PDE10A: variants seen among roughly 807,000 people sequenced by gnomAD.
PDE10A encodes the protein cAMP and cAMP-inhibited cGMP 3',5'-cyclic phosphodiesterase 10A.
In PDE10A, 39 loss-of-function variants were observed where a neutral mutation model predicts 97.7. That is an observed-to-expected ratio of 0.40 (90% confidence interval 0.31 to 0.52). The LOEUF (loss-of-function observed/expected upper bound fraction) is 0.52, where lower values mean the gene tolerates loss of function less well. PDE10A is among the 20% of genes least tolerant of loss of function. PDE10A has a pLI of 0.56. For missense variants in PDE10A, 731 were observed against 1,047.8 expected, an observed-to-expected ratio of 0.70 and a Z score of 4.17; for synonymous variants, 371 against 376.8, an observed-to-expected ratio of 0.98 and a Z score of 0.18.
At chr6:165,408,400 A>G (rs1341942339) in intron 13 of PDE10A, among the ~76,000 whole-genome samples, 1 of 152,168 alleles carries the variant, frequency 6.6e-6, no homozygotes, top group East Asian at 1.9e-4. Flanking sequence ...GCTTGGGAAA[A>G]AAATGCTCAA....
At chr6:165,795,601 A>AAAC (rs1778806899) in intron 1 of PDE10A, among the ~76,000 whole-genome samples, 1 of 146,254 alleles carries the variant, frequency 6.8e-6, no homozygotes, top group South Asian at 2.2e-4. Context: ...AACAAACAAA[A>AAAC]AAACCAGCAG....
chr6:165,912,182 GTCTATCA>G (rs1782481766), intron 1 of PDE10A, among the ~76,000 whole-genome samples: 1 of 151,390 alleles, frequency 6.6e-6, no homozygotes, highest in East Asian at 1.9e-4. Context: ...TCATCTATCT[GTCTATCA>G]TCTATCATCT....
At chr6:165,698,551 A>T (rs1397512445) in intron 1 of PDE10A, among the ~76,000 whole-genome samples, 2 of 152,232 alleles carry the variant, frequency 1.3e-5, no homozygotes, top group South Asian at 2.1e-4. Context: ...ACATTAGAAA[A>T]TAACCACTCA....
chr6:165,448,882 G>T, intron 5 of PDE10A, 46 bp downstream of exon 5: 1 of 1,164,698 alleles, frequency 8.6e-7, no homozygotes, highest in Non-Finnish European at 1.3e-6. Context: ...AGGAGCTTAT[G>T]ATATTTTCTT....
chr6:165,625,163 G>A (rs1373885937), intron 1 of PDE10A, among the ~76,000 whole-genome samples: 1 of 152,226 alleles, frequency 6.6e-6, no homozygotes, highest in Non-Finnish European at 1.5e-5. Flanking sequence ...ATTTGACCCA[G>A]TCTGTGACAA....
At chr6:165,722,858 T>A (rs1792199542) in intron 1 of PDE10A, among the ~76,000 whole-genome samples, 1 of 148,436 alleles carries the variant, frequency 6.7e-6, no homozygotes, top group East Asian at 2.0e-4. Context: ...AATCCTTAAA[T>A]AAAATTTGTT....
intron 1 of PDE10A, among the ~76,000 whole-genome samples, chr6:165,771,885 C>G (rs1778021581): frequency 1.3e-5 from 2 of 152,136 alleles, no homozygotes; most frequent in South Asian, 4.1e-4. Flanking sequence ...TGATGCAGAG[C>G]TGGCTGCATG....
At chr6:165,505,177 A>T (rs775016665) in intron 2 of PDE10A, among the ~76,000 whole-genome samples, 27 of 152,270 alleles carry the variant, frequency 1.8e-4, no homozygotes, top group Non-Finnish European at 3.1e-4. Flanking sequence ...GTTTTCTATT[A>T]CCTATAACCA....
Position 165,679,585 on chromosome 6 carries a change from G to A in PDE10A, c.-614-136017C>T, listed in dbSNP as rs546469769. Among the ~76,000 whole-genome samples, 8 of 152,306 alleles carry A rather than the reference G, an allele frequency of 5.3e-5. No individual in the cohort carries two copies. The South Asian group carries it at 1.2e-3, about 24-fold the overall frequency. On this transcript the variant is annotated intron_variant, in intron 1 of 19. Coordinates refer to the PDE10A transcript ENST00000366882. ...CACACTGTCACAGCACAGGAACGCC[G>A]GGAAGCACCTCACAGTCCCCTTCAG...
intron 1 of PDE10A, among the ~76,000 whole-genome samples, chr6:165,838,309 A>T (rs562365326): frequency 1.3e-5 from 2 of 152,306 alleles, no homozygotes; most frequent in South Asian, 4.1e-4. Context: ...AATACATATA[A>T]ACTAGGGTTT....
chr6:165,383,153 A>G (rs1785041623), intron 17 of PDE10A, among the ~76,000 whole-genome samples: 1 of 152,200 alleles, frequency 6.6e-6, no homozygotes, highest in Non-Finnish European at 1.5e-5. Flanking sequence ...ATAATTTAAG[A>G]TTAGTGGAAC....
intron 18 of PDE10A, among the ~76,000 whole-genome samples, chr6:165,363,714 A>G (rs1783576901): frequency 6.6e-6 from 1 of 152,200 alleles, no homozygotes; most frequent in East Asian, 1.9e-4. Flanking sequence ...TACAAAAATC[A>G]ATTATTTCTA....
At chr6:165,547,753 G>A (rs968106046) in intron 1 of PDE10A, among the ~76,000 whole-genome samples, 6 of 152,058 alleles carry the variant, frequency 3.9e-5, no homozygotes, top group South Asian at 2.1e-4. Context: ...GAGTTTCCAC[G>A]CATAATAATG....
At chr6:165,826,221 G>A (rs958052384) in intron 1 of PDE10A, among the ~76,000 whole-genome samples, 1 of 152,156 alleles carries the variant, frequency 6.6e-6, no homozygotes, top group Non-Finnish European at 1.5e-5. Flanking sequence ...GACTCCAGGT[G>A]ACCTGGGCCC....
chr6:165,449,141 T>C (rs1791087412), intron 4 of PDE10A, among the ~76,000 whole-genome samples, 164 bp from the exon 5 acceptor site: 3 of 152,210 alleles, frequency 2.0e-5, no homozygotes, highest in Admixed American at 6.5e-5. Flanking sequence ...CTTTACTTAA[T>C]AGCATAATTA....
intron 3 of PDE10A, among the ~76,000 whole-genome samples, chr6:165,454,851 A>C (rs900902463): frequency 2.0e-5 from 3 of 152,228 alleles, no homozygotes; most frequent in Non-Finnish European, 2.9e-5. Flanking sequence ...TTGTGGCTTA[A>C]ATGAACAAAA....
chr6:165,619,389 A>AGCC (rs1562634641), intron 1 of PDE10A, among the ~76,000 whole-genome samples: 1 of 3,064 alleles, frequency 3.3e-4, no homozygotes, highest in African/African-American at 1.7e-3. Flanking sequence ...GTAGTCTAGT[A>AGCC]TAGTGTAGTG....
chr6:165,890,300 G>A (rs56404786), intron 1 of PDE10A, among the ~76,000 whole-genome samples: 22,957 of 152,004 alleles, frequency 0.15, 1,929 homozygotes, highest in East Asian at 0.25. Context: ...AGACCACACC[G>A]CGGAGGAAGA....
At chr6:165,385,604 G>A (rs1422214182) in intron 17 of PDE10A, among the ~76,000 whole-genome samples, 2 of 152,306 alleles carry the variant, frequency 1.3e-5, no homozygotes, top group East Asian at 1.9e-4. Flanking sequence ...AATAGAAGGT[G>A]CTCAGTAAGT....
Sources: gnomAD v4.1 joint callset for allele counts (sites outside exome capture counted in the v4.1 genomes callset) on GRCh38, gnomAD v4.1.1 for gene constraint, MANE v1.5 for transcripts, NCBI Gene and HGNC (gene_info 2026-07-23, HGNC 2026-07-21) for gene names.